The following FBXL7 variants were observed in gnomAD, a reference collection of about 807,000 sequenced individuals.
FBXL7 encodes F-box/LRR-repeat protein 7.
FBXL7 carries 12 observed loss-of-function variants against 38.3 expected under a neutral mutation model. That is an observed-to-expected ratio of 0.31 (90% CI 0.20 to 0.51). The LOEUF (loss-of-function observed/expected upper bound fraction) is 0.51, where lower values mean the gene tolerates loss of function less well. FBXL7 is among the 20% of genes least tolerant of loss of function. FBXL7 has a pLI of 0.98. For missense variants in FBXL7, 567 were observed against 676.4 expected (o/e 0.84, Z 1.79); for synonymous variants, 297 against 300.9 (o/e 0.99, Z 0.13).
intron 1 of FBXL7, among the ~76,000 whole-genome samples, chr5:15,536,232 C>T (rs573406039): frequency 9.8e-5 from 15 of 152,334 alleles, no homozygotes; most frequent in South Asian, 8.3e-4. Context: ...TGGGGCAATG[C>T]GGAAGGGAAA....
At position 15,762,705 on chromosome 5, in the gene FBXL7, GAATGAAAT is replaced by G. The variant is rs200144411; in HGVS notation, c.127+146635_127+146642del. ...CTTGCAAAACAGCGTACTGCTGAGA[GAATGAAAT>G]ATTTTCAATTGTCTAAGTTTTTCAG... On this transcript the variant is annotated intron_variant, in intron 2 of 3. Transcript: ENST00000504595. 6.6e-3 allele frequency among the ~76,000 whole-genome samples: 1,005 copies of G among 152,292 alleles called. 12 individuals are homozygous for G. Among genetic ancestry groups the G allele is most frequent in the African/African-American group, 0.023 (948 of 41,558 alleles).
chr5:15,816,081 A>T (rs1738005513), intron 2 of FBXL7, among the ~76,000 whole-genome samples: 1 of 152,134 alleles, frequency 6.6e-6, no homozygotes, highest in Admixed American at 6.6e-5. Context: ...GCTTGACCTC[A>T]TCACTGTTAG....
chr5:15,629,570 A>T (rs1256059985), intron 2 of FBXL7, among the ~76,000 whole-genome samples: 1 of 152,180 alleles, frequency 6.6e-6, no homozygotes, highest in Non-Finnish European at 1.5e-5. Flanking sequence ...AGACATGCAC[A>T]ATCCACAGCA....
At chr5:15,849,839 A>C (rs1470138992) in intron 2 of FBXL7, among the ~76,000 whole-genome samples, 1 of 152,220 alleles carries the variant, frequency 6.6e-6, no homozygotes, top group Non-Finnish European at 1.5e-5. Flanking sequence ...AAAATCTTTT[A>C]GCTTCTGCCT....
chr5:15,644,324 A>C lies in FBXL7; in HGVS notation c.127+28252A>C, dbSNP rs867248337. On this transcript the variant is annotated intron_variant, in intron 2 of 3. Transcript: ENST00000504595. ...AAATCCAAAAAAAAAAAAAAAAAAA[A>C]AAAGGCCAGGCGTGGTAGTGCATGC... Among the ~76,000 whole-genome samples the C allele has an allele frequency of 7.0e-3, 1,014 of 145,650 alleles. 13 individuals are homozygous for C. The highest frequency in any genetic ancestry group is 0.025 in the African/African-American group (984 of 39,644).
intron 1 of FBXL7, among the ~76,000 whole-genome samples, chr5:15,594,767 T>C (rs768608244): frequency 3.3e-5 from 5 of 152,236 alleles, no homozygotes; most frequent in Non-Finnish European, 7.3e-5. Context: ...ATACTCCAGC[T>C]ATTGCTGACA....
intron 2 of FBXL7, among the ~76,000 whole-genome samples, chr5:15,627,471 A>G (rs1740856422): frequency 6.6e-6 from 1 of 152,184 alleles, no homozygotes; most frequent in African/African-American, 2.4e-5. Context: ...GAAGCTTCAA[A>G]ACAACCACCT....
At position 15,836,832 on chromosome 5, in the gene FBXL7, T is replaced by C. The variant is rs1340161844; in HGVS notation, c.128-91058T>C. Among the ~76,000 whole-genome samples the C allele has an allele frequency of 2.0e-5, 3 of 152,290 alleles. No individual in the cohort carries two copies. The East Asian group carries it at 5.8e-4, about 29-fold the overall frequency. ...TGCTGTGGCCATCCACATCATATATTATGATGGAACCTTAGTGACAAACCT... is the reference window on the plus strand; with the variant it reads ...TGCTGTGGCCATCCACATCATATATCATGATGGAACCTTAGTGACAAACCT... On this transcript the variant is annotated intron_variant, in intron 2 of 3. Transcript: ENST00000504595.
intron 1 of FBXL7, among the ~76,000 whole-genome samples, chr5:15,521,758 A>C (rs1737101493): frequency 6.6e-6 from 1 of 152,240 alleles, no homozygotes; most frequent in Admixed American, 6.5e-5. Flanking sequence ...AGAAACTCTC[A>C]AATTCCCTTG....
intron 1 of FBXL7, among the ~76,000 whole-genome samples, chr5:15,561,417 G>A (rs555717289): frequency 3.3e-5 from 5 of 152,044 alleles, no homozygotes; most frequent in Admixed American, 6.6e-5. Context: ...AGGCTGAATC[G>A]TATTCCGTTG....
chr5:15,842,483 A>G (rs528531068), intron 2 of FBXL7, among the ~76,000 whole-genome samples: 1 of 152,296 alleles, frequency 6.6e-6, no homozygotes, highest in East Asian at 1.9e-4. Flanking sequence ...GTTAATGCTG[A>G]AATGAGTTAA....
At chr5:15,638,075 T>A (rs1186753740) in intron 2 of FBXL7, among the ~76,000 whole-genome samples, 2 of 152,152 alleles carry the variant, frequency 1.3e-5, no homozygotes, top group East Asian at 3.9e-4. Context: ...AGAAGATGCA[T>A]TTGATGCCAA....
intron 1 of FBXL7, among the ~76,000 whole-genome samples, chr5:15,573,205 G>A (rs566978440): frequency 2.0e-5 from 3 of 152,168 alleles, no homozygotes; most frequent in African/African-American, 4.8e-5. Context: ...TTAATTCTGC[G>A]GCCCAGTAAG....
intron 1 of FBXL7, among the ~76,000 whole-genome samples, chr5:15,511,747 A>T (rs1387093168): frequency 6.6e-6 from 1 of 152,146 alleles, no homozygotes; most frequent in African/African-American, 2.4e-5. Context: ...GAGGAAACTG[A>T]GGTCTTGGCA....
intron 1 of FBXL7, among the ~76,000 whole-genome samples, chr5:15,542,187 G>A (rs886713180): frequency 6.7e-6 from 1 of 149,298 alleles, no homozygotes; most frequent in African/African-American, 2.5e-5. Flanking sequence ...GTCACTGAAA[G>A]TTTTTTTTTT....
At chr5:15,713,192 G>T (rs990862678) in intron 2 of FBXL7, among the ~76,000 whole-genome samples, 6 of 152,132 alleles carry the variant, frequency 3.9e-5, no homozygotes, top group African/African-American at 1.4e-4. Flanking sequence ...AAGGTGAAAG[G>T]TCCATCTTAC....
chr5:15,927,806 A>T, intron 2 of FBXL7, 84 bp from the exon 3 acceptor site: 2 of 1,077,314 alleles, frequency 1.9e-6, no homozygotes, highest in Non-Finnish European at 2.5e-6. Flanking sequence ...AAGAAAAGAA[A>T]AGAAAGAAAC....
intron 2 of FBXL7, among the ~76,000 whole-genome samples, chr5:15,662,503 TTTAA>T (rs1452972464): frequency 6.6e-6 from 1 of 152,208 alleles, no homozygotes; most frequent in African/African-American, 2.4e-5. Flanking sequence ...AGCTCTAAAG[TTTAA>T]TTAGATTCCA....
chr5:15,859,028 A>G (rs1739359093), intron 2 of FBXL7, among the ~76,000 whole-genome samples: 1 of 152,146 alleles, frequency 6.6e-6, no homozygotes, highest in Non-Finnish European at 1.5e-5. Flanking sequence ...CACATTATTT[A>G]AAGTTAGGTT....
Sources: allele counts gnomAD v4.1 joint callset (sites outside exome capture counted in the v4.1 genomes callset), GRCh38; gene constraint gnomAD v4.1.1; transcripts MANE v1.5; gene names NCBI Gene and HGNC (gene_info 2026-07-23, HGNC 2026-07-21).